Variants in FNIP2 observed in about 807,000 individuals in gnomAD.
The protein encoded by FNIP2 is folliculin-interacting protein 2.
FNIP2 carries 32 observed loss-of-function variants against 108.7 expected under a neutral mutation model. That is an observed-to-expected ratio of 0.29 (90% confidence interval 0.22 to 0.40). The LOEUF is 0.40. Ranked by LOEUF, FNIP2 falls within the 10% of genes least tolerant of loss-of-function variation. The probability of loss-of-function intolerance (pLI) is 1.00; values close to 1 mark genes in which losing one functional copy is unlikely to be tolerated. For synonymous variants in FNIP2, 480 were observed against 496.7 expected (o/e 0.97, Z 0.45); for missense variants, 1,202 against 1,381.6 (o/e 0.87, Z 2.06).
At chr4:158,889,981 C>T (rs909078600) in intron 14 of FNIP2, 43 of 984,910 alleles carry the variant, frequency 4.4e-5, no homozygotes, top group Admixed American at 1.2e-4. Flanking sequence ...GTGTAAGAAG[C>T]GTAGGGGTGA....
intron 1 of FNIP2, among the ~76,000 whole-genome samples, chr4:158,780,163 G>A (rs991709815): frequency 1.3e-5 from 2 of 151,562 alleles, no homozygotes; most frequent in East Asian, 1.9e-4. Flanking sequence ...AGCCATGATC[G>A]CACCACTGTA....
chr4:158,802,430 T>A (rs1776794658), intron 1 of FNIP2, among the ~76,000 whole-genome samples: 1 of 152,218 alleles, frequency 6.6e-6, no homozygotes. Flanking sequence ...AAAGATTCAT[T>A]ATTGCAAGAT....
At chr4:158,846,328 A>G (rs1779403364) in intron 7 of FNIP2, among the ~76,000 whole-genome samples, 1 of 152,028 alleles carries the variant, frequency 6.6e-6, no homozygotes, top group Non-Finnish European at 1.5e-5. Context: ...GTTTTTTTAA[A>G]TGTTGGTTTT....
chr4:158,869,046 G>C lies in FNIP2; in HGVS notation c.2410G>C (p.Asp804His). 1 of 1,614,012 alleles carries C rather than the reference G, an allele frequency of 6.2e-7. No homozygotes were observed. The highest frequency in any genetic ancestry group is 8.5e-7 in the Non-Finnish European group (1 of 1,179,894). Residue 804 changes from aspartate to histidine, a missense_variant, in exon 13 of 17, where the codon GAC becomes CAC. Transcript: ENST00000264433. ...TGCAGAGGACAGAGGCAGCAGAAAC[G>C]ACATGGCAGCAGATATTGCTGGGCA... ...GFAEDRGSRN[D>H]MAADIAGQLS...
Position 158,831,957 on chromosome 4 carries a change from A to G in FNIP2, c.478A>G (p.Ile160Val), listed in dbSNP as rs565931244. ...AGGCTCCACCTTAAAGATACACTAC[A>G]TACGGTGAGTCTGGGCTTCCTTTTC... ...YKGSTLKIHY[I>V]RSPPQLMISK... is the part of the protein sequence containing the mutation. The change falls in exon 4 of 17, where the codon ATA becomes GTA. Residue 160 changes from isoleucine (I) to valine (V), a missense_variant. Ile to Val is a conservative substitution (Grantham distance 29, BLOSUM62 3). Around this residue, in one of 5 missense-constraint regions of FNIP2, gnomAD observed 878 missense variants for 990.3 expected, o/e 0.89. Coordinates refer to ENST00000264433, the MANE Select transcript of FNIP2 (RefSeq NM_020840.3). 2 of 1,609,602 alleles carry G rather than the reference A, an allele frequency of 1.2e-6. No homozygotes were observed. Among genetic ancestry groups the G allele is most frequent in the South Asian group, 2.2e-5 (2 of 90,378 alleles).
At chr4:158,837,588 C>A (rs1778880928) in intron 7 of FNIP2, among the ~76,000 whole-genome samples, 1 of 152,168 alleles carries the variant, frequency 6.6e-6, no homozygotes, top group African/African-American at 2.4e-5. Flanking sequence ...AACTACTTTT[C>A]CTTGCTCTTT....
At chr4:158,883,243 GTT>G (rs71587483) in intron 14 of FNIP2, among the ~76,000 whole-genome samples, 30 of 151,258 alleles carry the variant, frequency 2.0e-4, no homozygotes, top group African/African-American at 6.8e-4. Context: ...TGTGTTTTTT[GTT>G]TTTTTTGTTT....
chr4:158,904,478 C>T lies in FNIP2; in HGVS notation c.3279C>T (p.Asn1093=), dbSNP rs1047557881. 27 of 1,612,862 alleles carry T rather than the reference C, an allele frequency of 1.7e-5. No individual in the cohort carries two copies. The highest frequency in any genetic ancestry group is 1.5e-4 in the Admixed American group (9 of 60,010). ...TCTCAATATTCAGGATTGAATCCAA[C>T]GACCTGCCTCTGTTGACTGCTATTG... ...ELGVVLGIES[N]DLPLLTAIAS... The change falls in exon 17 of 17, where the codon AAC becomes AAT. Residue 1093 remains asparagine (N), a synonymous_variant. Coordinates refer to ENST00000264433, the MANE Select transcript of FNIP2 (RefSeq NM_020840.3).
At chr4:158,852,138 A>G (rs1779736832) in intron 8 of FNIP2, among the ~76,000 whole-genome samples, 1 of 152,260 alleles carries the variant, frequency 6.6e-6, no homozygotes, top group Non-Finnish European at 1.5e-5. Flanking sequence ...CAGTTCAGCT[A>G]TGTGCCTGTA....
chr4:158,842,250 T>C (rs1425317800), intron 7 of FNIP2, among the ~76,000 whole-genome samples: 1 of 152,160 alleles, frequency 6.6e-6, no homozygotes, highest in African/African-American at 2.4e-5. Context: ...GTAATGAAGA[T>C]AGCAATAAAA....
At chr4:158,816,702 A>G (rs529411800) in intron 1 of FNIP2, among the ~76,000 whole-genome samples, 2 of 151,552 alleles carry the variant, frequency 1.3e-5, no homozygotes, top group South Asian at 2.1e-4. Context: ...GGAGAATCGC[A>G]TGAACCCAGG....
intron 14 of FNIP2, chr4:158,889,731 G>A (rs1400321173): frequency 1.3e-6 from 1 of 751,446 alleles, no homozygotes; most frequent in Non-Finnish European, 1.6e-6. Context: ...CCAGCATGTT[G>A]TGGATTTCTG....
chr4:158,785,166 A>G (rs1041482367), intron 1 of FNIP2, among the ~76,000 whole-genome samples: 3 of 143,538 alleles, frequency 2.1e-5, no homozygotes, highest in African/African-American at 8.0e-5. Flanking sequence ...GTTCATTGCA[A>G]CCTCACCTCC....
chr4:158,811,160 T>C (rs1777246089), intron 1 of FNIP2, among the ~76,000 whole-genome samples: 1 of 152,162 alleles, frequency 6.6e-6, no homozygotes, highest in South Asian at 2.1e-4. Flanking sequence ...TTTTATGAGT[T>C]CCCAAGGGGA....
At chr4:158,770,981 CA>C in intron 1 of FNIP2, among the ~76,000 whole-genome samples, 2 of 151,888 alleles carry the variant, frequency 1.3e-5, no homozygotes, top group South Asian at 2.1e-4. Context: ...TGTATTTGAA[CA>C]AAAAAAATAT....
At chr4:158,789,826 G>GTCTATTAAGT (rs1553953805) in intron 1 of FNIP2, among the ~76,000 whole-genome samples, 1 of 151,734 alleles carries the variant, frequency 6.6e-6, no homozygotes, top group Non-Finnish European at 1.5e-5. Flanking sequence ...GGTTGTGGTA[G>GTCTATTAAGT]CCTGGCAGTG....
At chr4:158,871,605 CA>C (rs1780952789) in intron 14 of FNIP2, 1 of 985,232 alleles carries the variant, frequency 1.0e-6, no homozygotes, top group Non-Finnish European at 1.2e-6. Context: ...ATAGGGCCAT[CA>C]GAAGCTGGGG....
intron 16 of FNIP2, among the ~76,000 whole-genome samples, chr4:158,902,987 A>G (rs1319193420): frequency 1.3e-5 from 2 of 152,054 alleles, no homozygotes; most frequent in Non-Finnish European, 2.9e-5. Flanking sequence ...TTTCCAGGGG[A>G]GTGAACCGTT....
At chr4:158,865,907 A>G (rs1423946049) in intron 12 of FNIP2, among the ~76,000 whole-genome samples, 2 of 152,014 alleles carry the variant, frequency 1.3e-5, no homozygotes, top group African/African-American at 4.8e-5. Context: ...AGGATTGTTT[A>G]TTATTATTTA....
Sources: allele counts gnomAD v4.1 joint callset (sites outside exome capture counted in the v4.1 genomes callset), GRCh38; gene constraint gnomAD v4.1.1; regional missense constraint gnomAD v4.1.1; transcripts MANE v1.5; gene names NCBI Gene and HGNC (gene_info 2026-07-23, HGNC 2026-07-21).